CHSY1: variants seen among roughly 807,000 people sequenced by gnomAD.
CHSY1 encodes N-acetylgalactosaminyl-proteoglycan 3-beta-glucuronosyltransferase 1.
CHSY1 carries 13 observed loss-of-function variants against 59.8 expected under a neutral mutation model. That is an observed-to-expected ratio of 0.22 (90% confidence interval 0.14 to 0.35). The LOEUF is 0.35. CHSY1 is among the 10% of genes least tolerant of loss of function. The probability of loss-of-function intolerance (pLI) is 1.00; values close to 1 mark genes in which losing one functional copy is unlikely to be tolerated. For synonymous variants in CHSY1, 459 were observed against 401.2 expected, an observed-to-expected ratio of 1.14 and a Z score of -1.72; for missense variants, 947 against 1,030.6, an observed-to-expected ratio of 0.92 and a Z score of 1.11.
intron 2 of CHSY1, among the ~76,000 whole-genome samples, chr15:101,221,177 G>A (rs1469239278): frequency 6.6e-6 from 1 of 152,194 alleles, no homozygotes; most frequent in African/African-American, 2.4e-5. Flanking sequence ...TCACACGCAG[G>A]TACGCAGACA....
chr15:101,238,830 G>C (rs1365390398), intron 1 of CHSY1, among the ~76,000 whole-genome samples: 2 of 152,130 alleles, frequency 1.3e-5, no homozygotes, highest in African/African-American at 4.8e-5. Context: ...TTTTCACAAA[G>C]GATATGCTCC....
Position 101,175,953 on chromosome 15 carries a change from C to T in CHSY1, c.*1435G>A, listed in dbSNP as rs2038181994. ...AAATGAAAACAAATTTATTAAGGCACATTTGATCTGAGAATTTAACTTTCT... is the reference window on the plus strand; with the variant it reads ...AAATGAAAACAAATTTATTAAGGCATATTTGATCTGAGAATTTAACTTTCT... On this transcript the variant is annotated 3_prime_UTR_variant, in exon 3 of 3. Transcript: ENST00000254190. The T allele has an allele frequency of 3.9e-6, 1 of 254,966 alleles. No homozygotes were observed. Among genetic ancestry groups the T allele is most frequent in the South Asian group, 1.7e-4 (1 of 5,730 alleles). The allele number at this position is 254,966 out of a possible 1,614,324, so 15.8% of individuals were successfully genotyped here.
chr15:101,242,031 T>C (rs2039008152), intron 1 of CHSY1, among the ~76,000 whole-genome samples: 1 of 152,218 alleles, frequency 6.6e-6, no homozygotes, highest in East Asian at 1.9e-4. Context: ...TGTATTTACT[T>C]GTATTGTTTT....
chr15:101,208,888 G>C (rs1386941835), intron 2 of CHSY1, among the ~76,000 whole-genome samples: 1 of 152,152 alleles, frequency 6.6e-6, no homozygotes, highest in Non-Finnish European at 1.5e-5. Context: ...AATGGGAAAA[G>C]GAACAAGCTT....
At chr15:101,186,389 G>A (rs1376445234) in intron 2 of CHSY1, among the ~76,000 whole-genome samples, 1 of 152,060 alleles carries the variant, frequency 6.6e-6, no homozygotes, top group Non-Finnish European at 1.5e-5. Flanking sequence ...CAATTTTCTT[G>A]TAACAGAAAT....
chr15:101,199,993 C>T lies in CHSY1; in HGVS notation c.817-21013G>A, dbSNP rs148167919. On this transcript the variant is annotated intron_variant, in intron 2 of 2. Transcript: ENST00000254190. ...CTGAAGCATCGTTCTGAATAAGATACAAGAAAAAGTGACTCACACAATTCG... is the reference window on the plus strand; with the variant it reads ...CTGAAGCATCGTTCTGAATAAGATATAAGAAAAAGTGACTCACACAATTCG... 4.6e-4 allele frequency among the ~76,000 whole-genome samples: 70 copies of T among 152,248 alleles called. No individual in the cohort carries two copies. In the East Asian group the frequency reaches 0.013, roughly 27 times the overall value.
rs1440428427 is a variant in CHSY1, at chr15:101,227,637, A to C, written c.816+7445T>G. Among the ~76,000 whole-genome samples the C allele has an allele frequency of 2.6e-5, 4 of 152,212 alleles. No homozygotes were observed. In the East Asian group the frequency reaches 5.8e-4, roughly 22 times the overall value. On this transcript the variant is annotated intron_variant, in intron 2 of 2. Coordinates refer to ENST00000254190, the MANE Select transcript of CHSY1 (RefSeq NM_014918.5). Reference sequence around the variant, plus strand: ...GTGCATGTTCAGCAAAGACCCAAGAAGGCCCTAAGCTCTCTGTACAAGCAA... The same window carrying C: ...GTGCATGTTCAGCAAAGACCCAAGACGGCCCTAAGCTCTCTGTACAAGCAA...
At chr15:101,246,616 T>C (rs1039472772) in intron 1 of CHSY1, among the ~76,000 whole-genome samples, 3 of 152,160 alleles carry the variant, frequency 2.0e-5, no homozygotes, top group African/African-American at 4.8e-5. Context: ...ATGACGAAGA[T>C]GGCATTTCAA....
chr15:101,245,672 G>A (rs901028541), intron 1 of CHSY1, among the ~76,000 whole-genome samples: 1 of 152,162 alleles, frequency 6.6e-6, no homozygotes, highest in African/African-American at 2.4e-5. Flanking sequence ...GAATCAATCC[G>A]CTATTGACAG....
intron 2 of CHSY1, among the ~76,000 whole-genome samples, chr15:101,218,317 T>G (rs56782355): frequency 0.024 from 3,650 of 152,360 alleles, 101 homozygotes; most frequent in African/African-American, 0.064. Flanking sequence ...ACTCTCCAGC[T>G]GGGCACAGTG....
chr15:101,245,016 C>G (rs927789499), intron 1 of CHSY1, among the ~76,000 whole-genome samples: 3 of 152,204 alleles, frequency 2.0e-5, no homozygotes, highest in African/African-American at 7.2e-5. Context: ...CGTCCCTCAA[C>G]AGGTACCGGT....
chr15:101,178,592 C>G lies in CHSY1; in HGVS notation c.1205G>C (p.Arg402Thr), dbSNP rs1309281981. The G allele has an allele frequency of 1.2e-6, 2 of 1,614,100 alleles. No individual in the cohort carries two copies. Among genetic ancestry groups the G allele is most frequent in the Non-Finnish European group, 1.7e-6 (2 of 1,180,044 alleles). The change falls in exon 3 of 3, where the codon AGG becomes ACG. Residue 402 changes from arginine (R) to threonine (T), a missense_variant. Around this residue, in one of 4 missense-constraint regions of CHSY1, gnomAD observed 602 missense variants for 676.9 expected, o/e 0.89. Coordinates refer to ENST00000254190, the MANE Select transcript of CHSY1 (RefSeq NM_014918.5). ...PPRRGMDSAQ[R>T]EALDDIVMQV... ...CATGACAATGTCGTCCAAGGCTTCC[C>G]TCTGGGCGGAGTCCATTCCTCTTCG...
chr15:101,235,012 G>C, intron 2 of CHSY1, 70 bp downstream of exon 2: 1 of 1,576,056 alleles, frequency 6.3e-7, no homozygotes, highest in East Asian at 2.2e-5. Flanking sequence ...AGTTTCCTAT[G>C]ATACGCTCAG....
intron 1 of CHSY1, among the ~76,000 whole-genome samples, chr15:101,245,881 T>C (rs2039045913): frequency 6.6e-6 from 1 of 152,222 alleles, no homozygotes; most frequent in South Asian, 2.1e-4. Flanking sequence ...AAGCCTTCTG[T>C]ATAAATGTTT....
Position 101,180,723 on chromosome 15 carries a change from G to T in CHSY1, c.817-1743C>A, listed in dbSNP as rs117138370. ...GCGACTGGCACCGGGACTCCTTCAA[G>T]CCCTGATGGGCGGGCCAGATACAAA... is the stretch of plus-strand genomic sequence containing the variant. On this transcript the variant is annotated intron_variant, in intron 2 of 2. Coordinates refer to ENST00000254190, the MANE Select transcript of CHSY1 (RefSeq NM_014918.5). Among the ~76,000 whole-genome samples the T allele has an allele frequency of 1.2e-3, 186 of 152,350 alleles. 1 individual carries two copies. Among genetic ancestry groups the T allele is most frequent in the Admixed American group, 3.9e-3 (60 of 15,306 alleles).
intron 1 of CHSY1, among the ~76,000 whole-genome samples, chr15:101,237,760 GT>G (rs1366453365): frequency 6.6e-6 from 1 of 152,324 alleles, no homozygotes; most frequent in African/African-American, 2.4e-5. Flanking sequence ...ATCTAAAGTT[GT>G]TTGGCTATAA....
chr15:101,249,483 ATCTC>A (rs967497669), intron 1 of CHSY1, among the ~76,000 whole-genome samples: 1 of 146,706 alleles, frequency 6.8e-6, no homozygotes, highest in African/African-American at 2.5e-5. Context: ...TAGTCTATGT[ATCTC>A]TATCTATCGA....
At chr15:101,250,985 C>G (rs2039103027) in intron 1 of CHSY1, 152 bp downstream of exon 1, 1 of 692,460 alleles carries the variant, frequency 1.4e-6, no homozygotes, top group Non-Finnish European at 2.4e-6. Context: ...TTTTCTCCCT[C>G]GGCCCGGCGT....
rs1297189827 is a variant in CHSY1, at chr15:101,235,274, T to G, written c.624A>C (p.Gly208=). The change falls in exon 2 of 3, where the codon GGA becomes GGC. Residue 208 remains glycine, a synonymous_variant. Transcript: ENST00000254190. ...TCTCACCAGGCTCCAGGGCCAGTTT[T>G]CCCATTTCTTCCGTGGTGCCCAGGC... is the stretch of plus-strand genomic sequence containing the variant. ...QTGLGTTEEM[G]KLALEPGENF... is the part of the protein sequence containing the mutation. 1.2e-6 allele frequency: 2 copies of G among 1,614,130 alleles called. No homozygotes were observed. Among genetic ancestry groups the G allele is most frequent in the Non-Finnish European group, 1.7e-6 (2 of 1,180,014 alleles).
Sources: allele counts gnomAD v4.1 joint callset (sites outside exome capture counted in the v4.1 genomes callset), GRCh38; gene constraint gnomAD v4.1.1; regional missense constraint gnomAD v4.1.1; transcripts MANE v1.5; gene names NCBI Gene and HGNC (gene_info 2026-07-23, HGNC 2026-07-21).